DMXL2: variants seen among roughly 807,000 people sequenced by gnomAD.
The protein encoded by DMXL2 is Dmx like 2, also known as dmX-like protein 2.
A neutral mutation model predicts 331.1 loss-of-function variants in DMXL2; 103 were observed. The ratio of observed to expected loss-of-function variants is 0.31; its 90% CI spans 0.27 to 0.37. The LOEUF is 0.37. Among genes scored for constraint, DMXL2 ranks in the 10% least tolerant of loss-of-function variants. DMXL2 has a pLI of 1.00. For synonymous variants in DMXL2, 1,281 were observed against 1,252.1 expected (o/e 1.02, Z -0.49); for missense variants, 3,171 against 3,642.9 (o/e 0.87, Z 3.33).
At position 51,464,887 on chromosome 15, in the gene DMXL2, A is replaced by T; in HGVS notation, c.7607-11T>A. 2 of 1,596,442 alleles carry T rather than the reference A, an allele frequency of 1.3e-6. No individual in the cohort carries two copies. The highest frequency in any genetic ancestry group is 1.7e-6 in the Non-Finnish European group (2 of 1,169,300). On this transcript the variant is annotated splice_polypyrimidine_tract_variant and intron_variant, in intron 31 of 43. Transcript: ENST00000560891. The stretch of plus-strand genomic sequence containing the variant: ...ATGTTACAGGCAGCTCTACAAGGTG[A>T]CAGAATATGTTATTTATTTTAATAA...
At chr15:51,465,970 C>T (rs1343798176) in intron 30 of DMXL2, among the ~76,000 whole-genome samples, 1 of 152,070 alleles carries the variant, frequency 6.6e-6, no homozygotes, top group Non-Finnish European at 1.5e-5. Flanking sequence ...ACTAAAGATG[C>T]TTGTGTTTGC....
intron 20 of DMXL2, 48 bp from the exon 21 acceptor site, chr15:51,488,693 C>A: frequency 6.8e-7 from 1 of 1,469,198 alleles, no homozygotes; most frequent in Non-Finnish European, 9.4e-7. Flanking sequence ...ATAAGAATTA[C>A]AATCAATTAA....
chr15:51,538,709 A>G (rs1229378993), intron 9 of DMXL2, among the ~76,000 whole-genome samples: 18 of 152,194 alleles, frequency 1.2e-4, no homozygotes, highest in Admixed American at 1.2e-3. Context: ...CAGTTTGGGG[A>G]CAGGGGATGA....
chr15:51,567,318 G>A (rs1017786380), intron 3 of DMXL2: 45 of 152,206 alleles, frequency 3.0e-4, no homozygotes, highest in African/African-American at 1.1e-3. Flanking sequence ...TGGGATTACA[G>A]GTGTGAGCCA....
chr15:51,585,035 C>T (rs1363516852), intron 1 of DMXL2, among the ~76,000 whole-genome samples: 2 of 5,702 alleles, frequency 3.5e-4, no homozygotes, highest in South Asian at 5.8e-3. Context: ...TGGGCTGAGA[C>T]GATGGGGTTT....
intron 1 of DMXL2, among the ~76,000 whole-genome samples, chr15:51,578,629 C>A (rs1294096781): frequency 1.3e-5 from 2 of 152,138 alleles, no homozygotes; most frequent in East Asian, 3.8e-4. Flanking sequence ...GTACAATATA[C>A]CTTTTGATCA....
At chr15:51,517,050 T>C in intron 14 of DMXL2, 28 bp downstream of exon 14, 1 of 1,559,288 alleles carries the variant, frequency 6.4e-7, no homozygotes, top group Non-Finnish European at 8.8e-7. Context: ...AGTATACGAA[T>C]ATCACCAATT....
chr15:51,479,854 G>T, intron 25 of DMXL2, 94 bp downstream of exon 25: 1 of 952,154 alleles, frequency 1.1e-6, no homozygotes, highest in Non-Finnish European at 1.5e-6. Context: ...GTAGCACTTT[G>T]AAATATTTCC....
At chr15:51,538,544 G>A in intron 9 of DMXL2, 92 bp from the exon 10 acceptor site, 1 of 994,750 alleles carries the variant, frequency 1.0e-6, no homozygotes, top group Non-Finnish European at 1.4e-6. Context: ...TAAAGAAAAG[G>A]TGCTAAACAA....
intron 37 of DMXL2, 164 bp downstream of exon 37, chr15:51,457,164 C>A (rs2039702757): frequency 6.5e-6 from 5 of 774,314 alleles, no homozygotes; most frequent in African/African-American, 3.6e-5. Context: ...AGAGCCAGAC[C>A]CTGTCACCAA....
rs11630743 is a variant in DMXL2, at chr15:51,458,412, C to T, written c.8198+94G>A. 660,889 of 1,366,014 alleles carry T rather than the reference C, an allele frequency of 0.48. 161,351 individuals carry two copies. Among genetic ancestry groups the T allele is most frequent in the Admixed American group, 0.5 (25,330 of 50,500 alleles). The allele number at this position is 1,366,014 out of a possible 1,614,324, so 84.6% of individuals were successfully genotyped here. A position where few individuals can be genotyped will look rare whatever the true frequency, so the allele number is the denominator to read the frequency against. On this transcript the variant is annotated intron_variant, in intron 36 of 43. Coordinates refer to ENST00000560891, the MANE Select transcript of DMXL2 (RefSeq NM_001378457.1). ...CACCTACCCAAATGAAGGAGATACA[C>T]GTATACCTTTTGAAATAATTCAAAT...
intron 1 of DMXL2, among the ~76,000 whole-genome samples, chr15:51,588,183 G>C (rs2052009788): frequency 1.3e-5 from 2 of 149,328 alleles, no homozygotes; most frequent in African/African-American, 4.9e-5. Flanking sequence ...TTTGAGATGA[G>C]GTCTCACCCT....
intron 8 of DMXL2, 27 bp downstream of exon 8, chr15:51,545,556 C>T (rs1253604922): frequency 2.5e-6 from 4 of 1,586,030 alleles, no homozygotes; most frequent in Non-Finnish European, 1.7e-6. Flanking sequence ...CTTCAAAATT[C>T]ATTTACCATT....
chr15:51,507,366 G>A (rs913419812), intron 15 of DMXL2, 113 bp from the exon 16 acceptor site: 1 of 1,022,672 alleles, frequency 9.8e-7, no homozygotes, highest in Non-Finnish European at 1.4e-6. Flanking sequence ...GGAAGAAAAG[G>A]CAAGAAAGAC....
At chr15:51,496,749 T>C (rs551787049) in intron 18 of DMXL2, among the ~76,000 whole-genome samples, 4 of 152,192 alleles carry the variant, frequency 2.6e-5, no homozygotes, top group Non-Finnish European at 4.4e-5. Context: ...ATAGAACTGA[T>C]AGCATTTGCC....
At chr15:51,618,908 A>G (rs546309706) in intron 1 of DMXL2, among the ~76,000 whole-genome samples, 1 of 152,324 alleles carries the variant, frequency 6.6e-6, no homozygotes, top group Admixed American at 6.5e-5. Flanking sequence ...TGACTTACTA[A>G]TTTTTGTAAA....
chr15:51,499,819 A>G lies in DMXL2; in HGVS notation c.3405T>C (p.Leu1135=). The change falls in exon 18 of 44, where the codon CTT becomes CTC. Residue 1135 remains leucine, a synonymous_variant. Coordinates refer to ENST00000560891, the MANE Select transcript of DMXL2 (RefSeq NM_001378457.1). ...TACTGTCGACGCTGACCCTTGAATCAAGTACACTCCCAACCTTAACCAAAT... is the reference window on the plus strand; with the variant it reads ...TACTGTCGACGCTGACCCTTGAATCGAGTACACTCCCAACCTTAACCAAAT... ...LDDLVKVGSV[L]DSRVSVDSNL... 1.2e-6 allele frequency: 2 copies of G among 1,614,154 alleles called. No homozygotes were observed. The highest frequency in any genetic ancestry group is 1.7e-6 in the Non-Finnish European group (2 of 1,180,016).
chr15:51,520,441 T>C (rs575404468), intron 13 of DMXL2, among the ~76,000 whole-genome samples: 2 of 152,346 alleles, frequency 1.3e-5, no homozygotes, highest in South Asian at 4.1e-4. Flanking sequence ...AACATAAACG[T>C]ATACAAATAA....
At chr15:51,608,233 A>G (rs910620504) in intron 1 of DMXL2, among the ~76,000 whole-genome samples, 5 of 152,132 alleles carry the variant, frequency 3.3e-5, no homozygotes, top group Non-Finnish European at 5.9e-5. Flanking sequence ...AATTCAACCC[A>G]GCAATCCCAT....
Sources: gnomAD v4.1 joint callset for allele counts (sites outside exome capture counted in the v4.1 genomes callset) on GRCh38, gnomAD v4.1.1 for gene constraint, MANE v1.5 for transcripts, NCBI Gene and HGNC (gene_info 2026-07-23, HGNC 2026-07-21) for gene names.